Variants in SMIM17 observed in about 807,000 individuals in gnomAD.
SMIM17 encodes the protein small integral membrane protein 17.
In SMIM17, 10 loss-of-function variants were observed where a neutral mutation model predicts 12.2. That is an observed-to-expected ratio of 0.82 (90% CI 0.50 to 1.39). SMIM17 has a LOEUF of 1.39. Among genes scored for constraint, SMIM17 ranks in the 40% most tolerant of loss-of-function variants. The pLI is 0.00. For synonymous variants in SMIM17, 50 were observed against 44.1 expected, an observed-to-expected ratio of 1.13 and a Z score of -0.53; for missense variants, 136 against 118.2, an observed-to-expected ratio of 1.15 and a Z score of -0.70.
intron 3 of SMIM17, among the ~76,000 whole-genome samples, chr19:56,653,801 G>A (rs1012396809): frequency 6.6e-6 from 1 of 152,142 alleles, no homozygotes; most frequent in Non-Finnish European, 1.5e-5. Context: ...GGAGGAATTT[G>A]TTTCAAAGAT....
Position 56,655,915 on chromosome 19 carries a change from T to C in SMIM17, c.*702T>C, listed in dbSNP as rs1392302057. The C allele has an allele frequency of 6.6e-6, 1 of 151,946 alleles. No individual in the cohort carries two copies. The highest frequency in any genetic ancestry group is 2.4e-5 in the African/African-American group (1 of 41,406). 9.4% of individuals were successfully genotyped at this position (151,946 alleles called of 1,614,324 possible). On this transcript the variant is annotated 3_prime_UTR_variant, in exon 4 of 4. Transcript: ENST00000598409. ...ATGTTATCAGTTTATTAATACTTTT[T>C]ACCTCTTGCATTTATTTTGGCGAAT...
In SMIM17 at chr19:56,655,959, T is replaced by TG. The variant is rs1368907428; in HGVS notation, c.*746_*747insG. ...GGCGAATTACAGAGGTTTTTGTTTT[T>TG]TTTTTTTTTTGAGACCGAGTCTCAC... is the stretch of plus-strand genomic sequence containing the variant. On this transcript the variant is annotated 3_prime_UTR_variant, in exon 4 of 4. Coordinates refer to ENST00000598409, the MANE Select transcript of SMIM17 (RefSeq NM_001193628.2). Among the ~76,000 whole-genome samples, 3 of 151,146 alleles carry TG rather than the reference T, an allele frequency of 2.0e-5. No individual in the cohort carries two copies. The highest frequency in any genetic ancestry group is 2.1e-4 in the South Asian group (1 of 4,784).
At chr19:56,654,819 G>A (rs2045136489) in intron 3 of SMIM17, among the ~76,000 whole-genome samples, 1 of 152,140 alleles carries the variant, frequency 6.6e-6, no homozygotes, top group African/African-American at 2.4e-5. Context: ...CTCTTGAGGG[G>A]GTGGGGTCAT....
chr19:56,654,789 A>G (rs1039145533), intron 3 of SMIM17, among the ~76,000 whole-genome samples: 20 of 152,210 alleles, frequency 1.3e-4, no homozygotes, highest in African/African-American at 4.8e-4. Flanking sequence ...ATACACATAC[A>G]TATGCAAGCA....
At chr19:56,645,124 TGTGA>T (rs58144891) in intron 1 of SMIM17, among the ~76,000 whole-genome samples, 18,947 of 152,094 alleles carry the variant, frequency 0.12, 1,229 homozygotes, top group Middle Eastern at 0.16. Flanking sequence ...TGTGTATGTG[TGTGA>T]GTATGAATGT....
rs1403965707 is a variant in SMIM17, at chr19:56,647,753, C to G, written c.246+119C>G. 3 of 829,370 alleles carry G rather than the reference C, an allele frequency of 3.6e-6. No individual in the cohort carries two copies. The African/African-American group carries it at 5.1e-5, about 14-fold the overall frequency. The allele number at this position is 829,370 out of a possible 1,614,324, so 51.4% of individuals were successfully genotyped here. A position where few individuals can be genotyped will look rare whatever the true frequency, so the allele number is the denominator to read the frequency against. ...GCCCCATAAAAATCTCAAGAGATCT[C>G]TTGTGTCTGATCTCTATGGTGATCA... On this transcript the variant is annotated intron_variant, in intron 3 of 3. Coordinates refer to ENST00000598409, the MANE Select transcript of SMIM17 (RefSeq NM_001193628.2).
chr19:56,644,721 C>G (rs2148037102), intron 1 of SMIM17, among the ~76,000 whole-genome samples: 1 of 152,286 alleles, frequency 6.6e-6, no homozygotes, highest in Non-Finnish European at 1.5e-5. Flanking sequence ...TTCTCTGGAC[C>G]TATATTTAAT....
At chr19:56,651,375 T>TA (rs534176621) in intron 3 of SMIM17, among the ~76,000 whole-genome samples, 36 of 152,112 alleles carry the variant, frequency 2.4e-4, no homozygotes, top group Non-Finnish European at 4.4e-4. Flanking sequence ...CCTGTTCTCC[T>TA]AGTCACTATA....
At chr19:56,644,387 C>A (rs1280701998) in intron 1 of SMIM17, among the ~76,000 whole-genome samples, 1 of 152,178 alleles carries the variant, frequency 6.6e-6, no homozygotes. Flanking sequence ...AATGGGCAAC[C>A]CCAGGGTCTA....
intron 3 of SMIM17, among the ~76,000 whole-genome samples, chr19:56,649,694 G>A (rs2045094748): frequency 1.3e-5 from 2 of 152,156 alleles, no homozygotes; most frequent in South Asian, 2.1e-4. Context: ...AGGTACAGAT[G>A]TGCCTGGTAC....
rs931137976 is a variant in SMIM17 at position 56,656,228 on chromosome 19, G to A, written c.*1015G>A. 3.3e-5 allele frequency among the ~76,000 whole-genome samples: 5 copies of A among 152,064 alleles called. No homozygotes were observed. Among genetic ancestry groups the A allele is most frequent in the Admixed American group, 6.5e-5 (1 of 15,276 alleles). On this transcript the variant is annotated 3_prime_UTR_variant, in exon 4 of 4. Coordinates refer to ENST00000598409, the MANE Select transcript of SMIM17 (RefSeq NM_001193628.2). ...CAAAGTGCTGGGATTACAGATGTGA[G>A]CCACCGTGCCCAGCCCAGAGTTCTT...
intron 3 of SMIM17, among the ~76,000 whole-genome samples, chr19:56,647,975 A>G (rs2045077534): frequency 6.6e-6 from 1 of 151,220 alleles, no homozygotes; most frequent in Admixed American, 6.6e-5. Flanking sequence ...CCTCTCAAAC[A>G]TCTACTAGCC....
chr19:56,655,263 C>T lies in SMIM17; in HGVS notation c.*50C>T. On this transcript the variant is annotated 3_prime_UTR_variant, in exon 4 of 4. Coordinates refer to ENST00000598409, the MANE Select transcript of SMIM17 (RefSeq NM_001193628.2). ...AAGTTTAATTTAATGAAATAGATGC[C>T]CTATGTCATGTTAAGGAATTGTGCT... The T allele has an allele frequency of 1.5e-6, 1 of 675,246 alleles. No individual in the cohort carries two copies. The highest frequency in any genetic ancestry group is 2.1e-5 in the Admixed American group (1 of 48,302). The allele number at this position is 675,246 out of a possible 1,614,324, so 41.8% of individuals were successfully genotyped here. A position where few individuals can be genotyped will look rare whatever the true frequency, so the allele number is the denominator to read the frequency against.
At position 56,656,280 on chromosome 19, in the gene SMIM17, A is replaced by G. The variant is rs1027439014; in HGVS notation, c.*1067A>G. Among the ~76,000 whole-genome samples the G allele has an allele frequency of 6.6e-6, 1 of 152,018 alleles. No homozygotes were observed. Among genetic ancestry groups the G allele is most frequent in the African/African-American group, 2.4e-5 (1 of 41,418 alleles). On this transcript the variant is annotated 3_prime_UTR_variant, in exon 4 of 4. Coordinates refer to ENST00000598409, the MANE Select transcript of SMIM17 (RefSeq NM_001193628.2). Reference sequence around the variant, plus strand: ...TATCCTCTAGAAAATTCTTCATTCCATAGAGCTTTTTCATATTATTAGCTT... The same window carrying G: ...TATCCTCTAGAAAATTCTTCATTCCGTAGAGCTTTTTCATATTATTAGCTT...
intron 2 of SMIM17, among the ~76,000 whole-genome samples, 162 bp from the exon 3 acceptor site, chr19:56,647,396 A>G (rs148388395): frequency 6.9e-6 from 1 of 144,790 alleles, no homozygotes. Context: ...TGTGTGTGTG[A>G]GAGAGAGAGA....
At chr19:56,647,679 T>C in intron 3 of SMIM17, 45 bp downstream of exon 3, 1 of 1,467,206 alleles carries the variant, frequency 6.8e-7, no homozygotes, top group Non-Finnish European at 9.2e-7. Context: ...TCCCACTCTG[T>C]AGATCTCAGC....
chr19:56,645,929 T>C, intron 2 of SMIM17, 93 bp downstream of exon 2: 3 of 1,307,178 alleles, frequency 2.3e-6, no homozygotes, highest in South Asian at 1.6e-5. Flanking sequence ...CCTTCACTCA[T>C]CCATTCAACA....
chr19:56,650,699 G>C (rs2045102465), intron 3 of SMIM17, among the ~76,000 whole-genome samples: 1 of 152,160 alleles, frequency 6.6e-6, no homozygotes, highest in African/African-American at 2.4e-5. Context: ...GAGCGAATGG[G>C]ACCCAGGACC....
At chr19:56,644,293 T>C (rs918513319) in intron 1 of SMIM17, among the ~76,000 whole-genome samples, 23 of 152,130 alleles carry the variant, frequency 1.5e-4, no homozygotes, top group African/African-American at 5.3e-4. Context: ...GAAGGTCCCA[T>C]AGGAATTTTC....
Sources: allele counts gnomAD v4.1 joint callset (sites outside exome capture counted in the v4.1 genomes callset), GRCh38; gene constraint gnomAD v4.1.1; transcripts MANE v1.5; gene names NCBI Gene and HGNC (gene_info 2026-07-23, HGNC 2026-07-21).